Variants in KCNQ1 observed in about 807,000 individuals in gnomAD.
The protein encoded by KCNQ1 is potassium voltage-gated channel subfamily Q member 1, also known as potassium voltage-gated channel subfamily KQT member 1.
A neutral mutation model predicts 72.4 loss-of-function variants in KCNQ1; 49 were observed. The ratio of observed to expected loss-of-function variants is 0.68; its 90% CI spans 0.54 to 0.86. The LOEUF (loss-of-function observed/expected upper bound fraction) is 0.86. Among genes scored for constraint, KCNQ1 ranks in the 40% least tolerant of loss-of-function variants. The pLI, the probability that KCNQ1 is intolerant of heterozygous loss-of-function variation, is 0.00. For synonymous variants in KCNQ1, 450 were observed against 412.6 expected, an observed-to-expected ratio of 1.09 and a Z score of -1.10; for missense variants, 790 against 945.1, an observed-to-expected ratio of 0.84 and a Z score of 2.15.
At chr11:2,701,960 G>C (rs537008436) in intron 11 of KCNQ1, among the ~76,000 whole-genome samples, 3 of 152,368 alleles carry the variant, frequency 2.0e-5, no homozygotes, top group Admixed American at 1.3e-4. Flanking sequence ...TGAGAAGACA[G>C]GGTCAGGAAT....
chr11:2,699,196 G>A (rs1012833750), intron 11 of KCNQ1: 6 of 398,584 alleles, frequency 1.5e-5, no homozygotes, highest in Non-Finnish European at 2.7e-5. Context: ...TCCGATCCTT[G>A]GGACGCGGCC....
In KCNQ1 at chr11:2,550,440, A is replaced by G. The variant is rs987061984; in HGVS notation, c.478-20188A>G. ...TTCTGGGAGCGTCGCAGTGGCCCAG[A>G]CACCCATGTTCCTCCCTAGGCAGCT... On this transcript the variant is annotated intron_variant, in intron 2 of 15. Coordinates refer to ENST00000155840, the MANE Select transcript of KCNQ1 (RefSeq NM_000218.3). The surrounding 1 kb of genome is among the most constrained non-coding windows in gnomAD (Gnocchi z 6.0). Among the ~76,000 whole-genome samples the G allele has an allele frequency of 2.0e-5, 3 of 152,134 alleles. No homozygotes were observed. Among genetic ancestry groups the G allele is most frequent in the African/African-American group, 2.4e-5 (1 of 41,442 alleles).
Position 2,653,676 on chromosome 11 carries a change from A to G in KCNQ1, c.1394-8285A>G. ...CAAAATGGCCACCAGCTTGCATTCA[A>G]CAGCTCAGGAAGCCCAGCAGAACGA... On this transcript the variant is annotated intron_variant, in intron 10 of 15. Transcript: ENST00000155840. The surrounding 1 kb of genome is among the most constrained non-coding windows in gnomAD (Gnocchi z 5.3). 1 of 398,676 alleles carries G rather than the reference A, an allele frequency of 2.5e-6. No individual in the cohort carries two copies. The allele number at this position is 398,676 out of a possible 1,614,324, so 24.7% of individuals were successfully genotyped here.
chr11:2,619,453 TGTTA>T (rs1849127246), intron 10 of KCNQ1: 3 of 398,614 alleles, frequency 7.5e-6, no homozygotes, highest in East Asian at 7.1e-5. Flanking sequence ...TCTTTCAGTC[TGTTA>T]GTATCACATT....
At chr11:2,841,402 G>A (rs1848207842) in intron 15 of KCNQ1, among the ~76,000 whole-genome samples, 1 of 152,148 alleles carries the variant, frequency 6.6e-6, no homozygotes, top group South Asian at 2.1e-4. Context: ...GAACAGGTTG[G>A]GGGCATAGCC....
chr11:2,740,377 T>C (rs1168376668), intron 11 of KCNQ1, among the ~76,000 whole-genome samples: 1 of 152,114 alleles, frequency 6.6e-6, no homozygotes, highest in Non-Finnish European at 1.5e-5. Context: ...GGAAACAGAG[T>C]CTATTTAAGG....
chr11:2,630,039 A>G (rs1252584076), intron 10 of KCNQ1: 2 of 397,752 alleles, frequency 5.0e-6, no homozygotes, highest in African/African-American at 4.1e-5. Context: ...ATTGAGTATG[A>G]TGTTAGCTGT....
rs1178890485 is a variant in KCNQ1, at chr11:2,481,321, T to A, written c.386+35837T>A. 1.3e-5 allele frequency among the ~76,000 whole-genome samples: 2 copies of A among 152,210 alleles called. No individual in the cohort carries two copies. The highest frequency in any genetic ancestry group is 4.8e-5 in the African/African-American group (2 of 41,454). ...CGTACCAAAAGCCAGAGATGCCAGC[T>A]TTTAGTTTCCTGCTAGTCTTTTTCT... is the stretch of plus-strand genomic sequence containing the variant. On this transcript the variant is annotated intron_variant, in intron 1 of 15. Transcript: ENST00000155840. This position sits in a 1 kb window ranked among gnomAD's most constrained non-coding sequence, Gnocchi z 4.6.
In KCNQ1 at chr11:2,674,449, C is replaced by T. The variant is rs750568046; in HGVS notation, c.1514+12368C>T. 6.5e-5 allele frequency: 26 copies of T among 398,266 alleles called. No homozygotes were observed. The highest frequency in any genetic ancestry group is 1.2e-4 in the Non-Finnish European group (26 of 226,054). The allele number at this position is 398,266 out of a possible 1,614,324, so 24.7% of individuals were successfully genotyped here. ...CGACCACAGAGGCTGGGGGGAGGCA[C>T]GTGGGGAGGAGGGCTGCCTGTCGAG... On this transcript the variant is annotated intron_variant, in intron 11 of 15. Transcript: ENST00000155840. This position sits in a 1 kb window ranked among gnomAD's most constrained non-coding sequence, Gnocchi z 5.9.
At chr11:2,760,874 G>T (rs1300774739) in intron 11 of KCNQ1, among the ~76,000 whole-genome samples, 2 of 152,200 alleles carry the variant, frequency 1.3e-5, no homozygotes, top group Non-Finnish European at 2.9e-5. Context: ...CAGGTTGTGG[G>T]GCTCCGACCC....
intron 2 of KCNQ1, 110 bp from the exon 3 acceptor site, chr11:2,570,518 G>C: frequency 6.9e-7 from 1 of 1,453,136 alleles, no homozygotes; most frequent in Non-Finnish European, 9.4e-7. Flanking sequence ...CTGTTCTCAG[G>C]GTGTCCTTCA....
rs1050655832 is a variant in KCNQ1, at chr11:2,725,386, C to T, written c.1515-43458C>T. 2.0e-5 allele frequency among the ~76,000 whole-genome samples: 3 copies of T among 152,186 alleles called. No individual in the cohort carries two copies. The highest frequency in any genetic ancestry group is 7.2e-5 in the African/African-American group (3 of 41,434). On this transcript the variant is annotated intron_variant, in intron 11 of 15. Transcript: ENST00000155840. The surrounding 1 kb of genome is among the most constrained non-coding windows in gnomAD (Gnocchi z 7.2). ...TAGTGGTTTGGCTTTCGGGTTCCTG[C>T]CTTCCAAAACAGGAGAGGCAACTTG...
intron 6 of KCNQ1, among the ~76,000 whole-genome samples, chr11:2,577,156 A>T (rs1848434723): frequency 6.6e-6 from 1 of 151,950 alleles, no homozygotes; most frequent in African/African-American, 2.4e-5. Context: ...CCGTTTGTGG[A>T]CTCACTGTTG....
Position 2,678,796 on chromosome 11 carries a change from A to G in KCNQ1, c.1514+16715A>G. The G allele has an allele frequency of 2.5e-6, 1 of 398,628 alleles. No homozygotes were observed. Among genetic ancestry groups the G allele is most frequent in the Admixed American group, 4.4e-5 (1 of 22,742 alleles). 24.7% of individuals were successfully genotyped at this position (398,628 alleles called of 1,614,324 possible). ...ATCGTGGCAGCTAATAATGTCAGGG[A>G]GCATGAGCACTTGTTTCTTCCAAGG... On this transcript the variant is annotated intron_variant, in intron 11 of 15. Transcript: ENST00000155840. This position sits in a 1 kb window ranked among gnomAD's most constrained non-coding sequence, Gnocchi z 4.9.
intron 2 of KCNQ1, among the ~76,000 whole-genome samples, chr11:2,556,292 A>G (rs966835634): frequency 3.3e-5 from 5 of 152,216 alleles, no homozygotes; most frequent in African/African-American, 9.6e-5. Context: ...TTTCCAAACA[A>G]GGTCACACTC....
At chr11:2,684,463 T>G (rs1281497359) in intron 11 of KCNQ1, 2 of 398,546 alleles carry the variant, frequency 5.0e-6, no homozygotes, top group Non-Finnish European at 8.8e-6. Flanking sequence ...GCAAAAAGAC[T>G]ATGCTCCAGA....
Position 2,579,357 on chromosome 11 carries a change from G to A in KCNQ1, c.922-4078G>A, listed in dbSNP as rs1432496404. 6.6e-6 allele frequency among the ~76,000 whole-genome samples: 1 copy of A among 152,200 alleles called. No individual in the cohort carries two copies. The highest frequency in any genetic ancestry group is 6.5e-5 in the Admixed American group (1 of 15,282). ...GGAAACACACTGACCAGTGGGGTGT[G>A]CGTTCCCCGCTCGCCCCCACAGTTC... On this transcript the variant is annotated intron_variant, in intron 6 of 15. Transcript: ENST00000155840. The surrounding 1 kb of genome is among the most constrained non-coding windows in gnomAD (Gnocchi z 6.0).
intron 1 of KCNQ1, among the ~76,000 whole-genome samples, chr11:2,469,303 T>C (rs1315289192): frequency 6.6e-6 from 1 of 151,794 alleles, no homozygotes; most frequent in Admixed American, 6.6e-5. Flanking sequence ...AATCTCACTC[T>C]CCGTCTCCCA....
chr11:2,709,753 G>A (rs1850974912), intron 11 of KCNQ1, among the ~76,000 whole-genome samples: 1 of 152,172 alleles, frequency 6.6e-6, no homozygotes, highest in Non-Finnish European at 1.5e-5. Context: ...GACTTTTGTG[G>A]CTGACTTCTT....
Sources: gnomAD v4.1 joint callset for allele counts (sites outside exome capture counted in the v4.1 genomes callset) on GRCh38, gnomAD v4.1.1 for gene constraint, Gnocchi (gnomAD v3.1) non-coding constraint, MANE v1.5 for transcripts, NCBI Gene and HGNC (gene_info 2026-07-23, HGNC 2026-07-21) for gene names.